Variants in BPIFC observed in about 807,000 individuals in gnomAD.
The protein encoded by BPIFC is BPI fold containing family C, also known as BPI fold-containing family C protein.
BPIFC carries 60 observed loss-of-function variants against 57.6 expected under a neutral mutation model. The ratio of observed to expected loss-of-function variants is 1.04; its 90% confidence interval spans 0.85 to 1.29. The LOEUF (loss-of-function observed/expected upper bound fraction) is 1.29, where lower values mean the gene tolerates loss of function less well. Ranked by LOEUF, BPIFC falls within the 50% of genes most tolerant of loss-of-function variation. The pLI, the probability that BPIFC is intolerant of heterozygous loss-of-function variation, is 0.00. For missense variants in BPIFC, 581 were observed against 600.5 expected, an observed-to-expected ratio of 0.97 and a Z score of 0.34; for synonymous variants, 243 against 224.5, an observed-to-expected ratio of 1.08 and a Z score of -0.74.
rs552712677 is a variant in BPIFC at position 32,432,469 on chromosome 22, T to C, written c.1053A>G (p.Leu351=). ...TGTCCAGGGTGAAATTGCCTGGTTG[T>C]AGATTGATTATGGGAGGCTCTGTGG... ...IMATEPPIIN[L]QPGNFTLDIP... Residue 351 remains leucine, a synonymous_variant, in exon 12 of 17, where the codon CTA becomes CTG. Transcript: ENST00000300399. The C allele has an allele frequency of 4.0e-4, 648 of 1,614,082 alleles. 11 individuals are homozygous for C. The South Asian group carries it at 6.2e-3, about 16-fold the overall frequency.
chr22:32,431,118 CTTT>C (rs531325756), intron 13 of BPIFC, among the ~76,000 whole-genome samples: 2 of 138,754 alleles, frequency 1.4e-5, no homozygotes, highest in Non-Finnish European at 3.1e-5. Context: ...GTTAACGTCC[CTTT>C]TTTTTTTTTT....
At chr22:32,443,940 A>C (rs542515982) in intron 7 of BPIFC, among the ~76,000 whole-genome samples, 1 of 152,168 alleles carries the variant, frequency 6.6e-6, no homozygotes, top group Non-Finnish European at 1.5e-5. Flanking sequence ...AGATGGGAAA[A>C]CCAAAGCTTA....
intron 13 of BPIFC, among the ~76,000 whole-genome samples, chr22:32,424,590 T>TCC: frequency 1.1e-5 from 1 of 87,924 alleles, no homozygotes; most frequent in Non-Finnish European, 2.1e-5. Context: ...CTTCTTCTTC[T>TCC]TCTTCTTCTT....
intron 1 of BPIFC, among the ~76,000 whole-genome samples, chr22:32,462,310 C>T (rs910651063): frequency 3.3e-5 from 5 of 150,306 alleles, no homozygotes; most frequent in Non-Finnish European, 5.9e-5. Flanking sequence ...TTAAGGCAGA[C>T]ATGATATCTC....
At chr22:32,443,116 C>T (rs1453848703) in intron 7 of BPIFC, among the ~76,000 whole-genome samples, 3 of 151,882 alleles carry the variant, frequency 2.0e-5, no homozygotes, top group Admixed American at 6.6e-5. Flanking sequence ...TTGCCATCTC[C>T]TCTAGGAGCG....
intron 13 of BPIFC, among the ~76,000 whole-genome samples, chr22:32,421,516 C>T (rs563024550): frequency 1.2e-4 from 19 of 152,262 alleles, no homozygotes; most frequent in Admixed American, 2.0e-4. Flanking sequence ...CACTATTGAC[C>T]CTTTCCAATC....
chr22:32,431,913 T>A (rs1465403946), intron 12 of BPIFC, among the ~76,000 whole-genome samples: 1 of 151,834 alleles, frequency 6.6e-6, no homozygotes, highest in Non-Finnish European at 1.5e-5. Flanking sequence ...TTACCTCCCA[T>A]CCTGCCACAC....
intron 7 of BPIFC, among the ~76,000 whole-genome samples, chr22:32,443,629 C>T (rs1418066685): frequency 2.0e-5 from 3 of 152,158 alleles, no homozygotes; most frequent in African/African-American, 7.2e-5. Context: ...TGATGTGCCT[C>T]TTGTGTGCTC....
chr22:32,464,131 C>G (rs1160662722), intron 1 of BPIFC, among the ~76,000 whole-genome samples: 1 of 152,162 alleles, frequency 6.6e-6, no homozygotes, highest in African/African-American at 2.4e-5. Flanking sequence ...GTGGTTTAAA[C>G]CAACTCTTTT....
intron 15 of BPIFC, among the ~76,000 whole-genome samples, 196 bp downstream of exon 15, chr22:32,416,889 C>T (rs192327223): frequency 8.5e-5 from 13 of 152,284 alleles, no homozygotes. Flanking sequence ...AGGGCTTGGA[C>T]CTAGAATAAC....
chr22:32,432,472 A>T lies in BPIFC; in HGVS notation c.1050T>A (p.Asn350Lys). 1 of 1,614,034 alleles carries T rather than the reference A, an allele frequency of 6.2e-7. No individual in the cohort carries two copies. The highest frequency in any genetic ancestry group is 1.1e-5 in the South Asian group (1 of 91,078). Residue 350 changes from asparagine (N) to lysine (K), a missense_variant, in exon 12 of 17, where the codon AAT becomes AAA. Coordinates refer to ENST00000300399, the MANE Select transcript of BPIFC (RefSeq NM_174932.3). ...CCAGGGTGAAATTGCCTGGTTGTAG[A>T]TTGATTATGGGAGGCTCTGTGGCCA... ...RIMATEPPII[N>K]LQPGNFTLDI...
At chr22:32,416,075 CT>C in intron 15 of BPIFC, 84 bp from the exon 16 acceptor site, 1 of 630,054 alleles carries the variant, frequency 1.6e-6, no homozygotes, top group Non-Finnish European at 2.4e-6. Flanking sequence ...TGACTGACAG[CT>C]TGCTTTTTTT....
chr22:32,453,642 T>C, intron 3 of BPIFC, 139 bp from the exon 4 acceptor site: 1 of 1,117,642 alleles, frequency 8.9e-7, no homozygotes, highest in Non-Finnish European at 1.2e-6. Context: ...AAAGTGGGTA[T>C]TATTGTCTCT....
intron 2 of BPIFC, among the ~76,000 whole-genome samples, chr22:32,458,617 C>A (rs1935095914): frequency 6.6e-6 from 1 of 152,200 alleles, no homozygotes; most frequent in Non-Finnish European, 1.5e-5. Flanking sequence ...CATTAGGGAA[C>A]TACTGAATGG....
intron 9 of BPIFC, among the ~76,000 whole-genome samples, chr22:32,436,710 G>A (rs1287774960): frequency 2.0e-5 from 3 of 152,190 alleles, no homozygotes; most frequent in Non-Finnish European, 4.4e-5. Flanking sequence ...AGCACTTCCT[G>A]AGGTGCCATG....
chr22:32,415,243 G>T (rs9609540), intron 16 of BPIFC, among the ~76,000 whole-genome samples: 26,219 of 152,038 alleles, frequency 0.17, 2,426 homozygotes, highest in Middle Eastern at 0.27. Context: ...CTCCTCGGCC[G>T]CTCACCTCCA....
At chr22:32,439,398 A>C (rs577954641) in intron 8 of BPIFC, among the ~76,000 whole-genome samples, 41 of 152,100 alleles carry the variant, frequency 2.7e-4, no homozygotes, top group Middle Eastern at 3.4e-3. Context: ...CTCAGGGCTC[A>C]GGTTTCCCAC....
intron 14 of BPIFC, among the ~76,000 whole-genome samples, chr22:32,417,732 A>G (rs2145908460): frequency 6.6e-6 from 1 of 152,332 alleles, no homozygotes. Context: ...CAAGACAGTC[A>G]AGAACAACTA....
chr22:32,430,884 C>G (rs534969329), intron 13 of BPIFC, among the ~76,000 whole-genome samples: 1 of 152,178 alleles, frequency 6.6e-6, no homozygotes, highest in African/African-American at 2.4e-5. Flanking sequence ...CTCAAGCAAT[C>G]CTCCCACTCC....
Sources: gnomAD v4.1 joint callset for allele counts (sites outside exome capture counted in the v4.1 genomes callset) on GRCh38, gnomAD v4.1.1 for gene constraint, MANE v1.5 for transcripts, NCBI Gene and HGNC (gene_info 2026-07-23, HGNC 2026-07-21) for gene names.